The following ASAP2 variants were observed in gnomAD, a reference collection of about 807,000 sequenced individuals.
ASAP2 encodes the protein arf-GAP with SH3 domain, ANK repeat and PH domain-containing protein 2.
ASAP2 carries 45 observed loss-of-function variants against 131.4 expected under a neutral mutation model. The ratio of observed to expected loss-of-function variants is 0.34; its 90% CI spans 0.27 to 0.44. The LOEUF (loss-of-function observed/expected upper bound fraction) is 0.44, where lower values mean the gene tolerates loss of function less well. ASAP2 is among the 20% of genes least tolerant of loss of function. ASAP2 has a pLI of 1.00. For synonymous variants in ASAP2, 510 were observed against 503.0 expected, an observed-to-expected ratio of 1.01 and a Z score of -0.19; for missense variants, 1,011 against 1,297.0, an observed-to-expected ratio of 0.78 and a Z score of 3.39.
chr2:9,285,628 C>T (rs1034669514), intron 2 of ASAP2, among the ~76,000 whole-genome samples: 3 of 152,228 alleles, frequency 2.0e-5, no homozygotes, highest in African/African-American at 4.8e-5. Flanking sequence ...AGCTCTGGCT[C>T]AGCCCAAAGG....
chr2:9,276,595 C>T (rs369069088), intron 1 of ASAP2, among the ~76,000 whole-genome samples: 3 of 151,680 alleles, frequency 2.0e-5, no homozygotes, highest in African/African-American at 7.3e-5. Flanking sequence ...TGGAGTGTAG[C>T]GGCACAATCT....
intron 27 of ASAP2, among the ~76,000 whole-genome samples, chr2:9,402,726 T>C (rs1676846894): frequency 6.6e-6 from 1 of 152,190 alleles, no homozygotes. Context: ...TTTTTAGCCT[T>C]TTATTTGCCT....
intron 3 of ASAP2, among the ~76,000 whole-genome samples, chr2:9,298,481 G>A (rs371278637): frequency 6.6e-6 from 1 of 152,182 alleles, no homozygotes; most frequent in Non-Finnish European, 1.5e-5. Flanking sequence ...TTCTCTGCTC[G>A]AGCTTTTCAC....
chr2:9,224,949 C>G (rs1662660494), intron 1 of ASAP2, among the ~76,000 whole-genome samples: 1 of 152,148 alleles, frequency 6.6e-6, no homozygotes. Flanking sequence ...GAGTGGGAGT[C>G]TCACCAAAGG....
At chr2:9,235,952 C>T (rs1230807814) in intron 1 of ASAP2, among the ~76,000 whole-genome samples, 1 of 152,152 alleles carries the variant, frequency 6.6e-6, no homozygotes, top group Non-Finnish European at 1.5e-5. Flanking sequence ...GTTTGATCTG[C>T]CAGGACTGGG....
chr2:9,237,486 G>A (rs184157342), intron 1 of ASAP2, among the ~76,000 whole-genome samples: 3 of 148,332 alleles, frequency 2.0e-5, no homozygotes, highest in South Asian at 2.1e-4. Context: ...ATCTCAGCTC[G>A]CTGCAGCCTC....
intron 24 of ASAP2, among the ~76,000 whole-genome samples, chr2:9,395,788 T>G (rs947621698): frequency 3.3e-5 from 5 of 151,572 alleles, no homozygotes; most frequent in East Asian, 3.9e-4. Flanking sequence ...TTTATATTTT[T>G]AGTAGAGATG....
chr2:9,267,174 G>T (rs1375271916), intron 1 of ASAP2, among the ~76,000 whole-genome samples: 1 of 151,916 alleles, frequency 6.6e-6, no homozygotes, highest in African/African-American at 2.4e-5. Context: ...AGATCGGGGG[G>T]TACATGTGTA....
At chr2:9,314,128 C>T (rs936645542) in intron 3 of ASAP2, among the ~76,000 whole-genome samples, 1 of 152,106 alleles carries the variant, frequency 6.6e-6, no homozygotes, top group African/African-American at 2.4e-5. Flanking sequence ...GGATTACAGG[C>T]GTGCGCCACC....
At chr2:9,338,245 C>A (rs531674041) in intron 9 of ASAP2, among the ~76,000 whole-genome samples, 1 of 152,096 alleles carries the variant, frequency 6.6e-6, no homozygotes, top group South Asian at 2.1e-4. Flanking sequence ...GGTCTGAGTG[C>A]TGAAACCACC....
chr2:9,354,243 G>A (rs915780042), intron 12 of ASAP2, among the ~76,000 whole-genome samples: 2 of 152,224 alleles, frequency 1.3e-5, no homozygotes, highest in Non-Finnish European at 2.9e-5. Flanking sequence ...CCACATGGCA[G>A]GTTAGCGGCC....
At chr2:9,350,775 C>T in intron 11 of ASAP2, 33 bp from the exon 12 acceptor site, 1 of 1,592,848 alleles carries the variant, frequency 6.3e-7, no homozygotes, top group Non-Finnish European at 8.6e-7. Flanking sequence ...CACCCAACCC[C>T]AACCTTTTTT....
chr2:9,335,239 C>A, intron 9 of ASAP2, 60 bp downstream of exon 9: 1 of 1,480,394 alleles, frequency 6.8e-7, no homozygotes, highest in South Asian at 1.1e-5. Flanking sequence ...GGCTTTGGGT[C>A]TGAAGAACAT....
intron 1 of ASAP2, among the ~76,000 whole-genome samples, chr2:9,209,735 A>C (rs11682729): frequency 6.6e-6 from 1 of 152,118 alleles, no homozygotes; most frequent in African/African-American, 2.4e-5. Flanking sequence ...ATGCACAGCT[A>C]ATTTTTTGTA....
Position 9,335,101 on chromosome 2 carries a change from G to A in ASAP2, c.771G>A (p.Gln257=). 1 of 1,614,002 alleles carries A rather than the reference G, an allele frequency of 6.2e-7. No individual in the cohort carries two copies. The highest frequency in any genetic ancestry group is 8.5e-7 in the Non-Finnish European group (1 of 1,179,956). Residue 257 remains glutamine, a synonymous_variant, in exon 9 of 28, where the codon CAG becomes CAA. Coordinates refer to ENST00000281419, the MANE Select transcript of ASAP2 (RefSeq NM_003887.3). ...TGTGTGTGTTTTTAAAGATCAAACA[G>A]GCCCAGGATGAAGAAAGAAGGCAGT... ...TLSTDLHTIK[Q]AQDEERRQLI... is the part of the protein sequence containing the mutation.
chr2:9,223,064 T>C (rs1662538942), intron 1 of ASAP2, among the ~76,000 whole-genome samples: 1 of 152,232 alleles, frequency 6.6e-6, no homozygotes. Flanking sequence ...GGCAGAGGCC[T>C]TCCTGCATCT....
At chr2:9,274,615 G>T (rs1362984285) in intron 1 of ASAP2, among the ~76,000 whole-genome samples, 1 of 151,838 alleles carries the variant, frequency 6.6e-6, no homozygotes, top group East Asian at 1.9e-4. Flanking sequence ...GAGCCACCGC[G>T]TCCAGCCTAA....
In ASAP2 at chr2:9,248,288, C is replaced by T. The variant is rs376046856; in HGVS notation, c.127-31029C>T. ...CTGAGTATTTAAGCCAAATTATATT[C>T]AGCATTTGTTAATAAAAGAGGAAAA... is the stretch of plus-strand genomic sequence containing the variant. On this transcript the variant is annotated intron_variant, in intron 1 of 27. Transcript: ENST00000281419. Among the ~76,000 whole-genome samples, 32 of 152,236 alleles carry T rather than the reference C, an allele frequency of 2.1e-4. No individual in the cohort carries two copies. In the South Asian group the frequency reaches 6.6e-3, roughly 32 times the overall value.
intron 3 of ASAP2, among the ~76,000 whole-genome samples, chr2:9,316,841 G>C (rs1467241541): frequency 6.6e-6 from 1 of 151,912 alleles, no homozygotes; most frequent in Non-Finnish European, 1.5e-5. Flanking sequence ...TTGCTTCAGG[G>C]AGAAGAATGG....
Sources: allele counts gnomAD v4.1 joint callset (sites outside exome capture counted in the v4.1 genomes callset), GRCh38; gene constraint gnomAD v4.1.1; transcripts MANE v1.5; gene names NCBI Gene and HGNC (gene_info 2026-07-23, HGNC 2026-07-21).